Variants in CACNA1A observed in about 807,000 individuals in gnomAD.
CACNA1A encodes calcium voltage-gated channel subunit alpha1 A.
CACNA1A carries 57 observed loss-of-function variants against 262.4 expected under a neutral mutation model. The observed-to-expected ratio is 0.22, with a 90% CI of 0.18 to 0.27. CACNA1A has a LOEUF of 0.27. Ranked by LOEUF, CACNA1A falls within the 10% of genes least tolerant of loss-of-function variation. CACNA1A has a pLI of 1.00. For synonymous variants in CACNA1A, 1,431 were observed against 1,419.3 expected (o/e 1.01, Z -0.18); for missense variants, 2,526 against 3,562.8 (o/e 0.71, Z 7.41).
At chr19:13,411,906 G>C (rs971155472) in intron 3 of CACNA1A, among the ~76,000 whole-genome samples, 97 of 151,984 alleles carry the variant, frequency 6.4e-4, no homozygotes, top group African/African-American at 2.3e-3. Context: ...GTAGAGACAG[G>C]GGTCTCACTA....
In CACNA1A at chr19:13,435,465, G is replaced by T. The variant is rs577790003; in HGVS notation, c.539+17411C>A. ...GGGCTAATACAGGCCCCAATTTTCAGATGGGGAAACTGAGGCTCAGAGAGA... is the reference window on the plus strand; with the variant it reads ...GGGCTAATACAGGCCCCAATTTTCATATGGGGAAACTGAGGCTCAGAGAGA... On this transcript the variant is annotated intron_variant, in intron 3 of 46. Transcript: ENST00000360228. 3.3e-5 allele frequency among the ~76,000 whole-genome samples: 5 copies of T among 152,104 alleles called. No individual in the cohort carries two copies. The South Asian group carries it at 1.0e-3, about 32-fold the overall frequency.
rs2059016551 is a variant in CACNA1A, at chr19:13,356,975, T to C, written c.978+2631A>G. Among the ~76,000 whole-genome samples, 3 of 152,232 alleles carry C rather than the reference T, an allele frequency of 2.0e-5. No homozygotes were observed. In the South Asian group the frequency reaches 6.2e-4, roughly 31 times the overall value. ...CATGCAAATTAGAACACCATGTCCC[T>C]TCCCCACATCCTTTTTTCTGTCAAT... On this transcript the variant is annotated intron_variant, in intron 6 of 46. Coordinates refer to ENST00000360228, the MANE Select transcript of CACNA1A (RefSeq NM_001127222.2).
intron 6 of CACNA1A, among the ~76,000 whole-genome samples, chr19:13,349,597 G>A (rs2058868540): frequency 6.6e-6 from 1 of 152,160 alleles, no homozygotes; most frequent in Non-Finnish European, 1.5e-5. Flanking sequence ...GTACTCATGG[G>A]GTTCCCCATT....
At position 13,286,789 on chromosome 19, in the gene CACNA1A, G is replaced by A. The variant is rs772049163; in HGVS notation, c.3267C>T (p.Gly1089=). The A allele has an allele frequency of 2.5e-6, 4 of 1,612,666 alleles. No individual in the cohort carries two copies. In the South Asian group the frequency reaches 3.3e-5, roughly 13 times the overall value. The stretch of plus-strand genomic sequence containing the variant: ...CCATCTTGGCTGGGCTCTGGGGCAG[G>A]CCGGCGTGGCCAAGGCTGCCGTGGG... ...AAPHGSLGHA[G]LPQSPAKMGN... The change falls in exon 20 of 47, where the codon GGC becomes GGT. Residue 1089 remains glycine (G), a synonymous_variant. Coordinates refer to ENST00000360228, the MANE Select transcript of CACNA1A (RefSeq NM_001127222.2).
chr19:13,268,974 C>T (rs968231023), intron 24 of CACNA1A, among the ~76,000 whole-genome samples: 2 of 145,024 alleles, frequency 1.4e-5, no homozygotes, highest in Non-Finnish European at 1.5e-5. Context: ...GCTGGGATTA[C>T]AGGCGTAAGC....
intron 12 of CACNA1A, 90 bp downstream of exon 12, chr19:13,312,579 G>A (rs911567050): frequency 1.4e-6 from 1 of 737,066 alleles, no homozygotes. Context: ...ATTCAGGGGT[G>A]ACTTTACCTT....
chr19:13,419,205 G>GT (rs1568627247), intron 3 of CACNA1A, among the ~76,000 whole-genome samples: 1 of 152,202 alleles, frequency 6.6e-6, no homozygotes, highest in Admixed American at 6.5e-5. Flanking sequence ...TTACCATTGT[G>GT]TTACAACTGC....
In CACNA1A at chr19:13,321,112, C is replaced by T. The variant is rs544030188; in HGVS notation, c.1346-3791G>A. 6.0e-5 allele frequency among the ~76,000 whole-genome samples: 9 copies of T among 150,532 alleles called. No individual in the cohort carries two copies. In the East Asian group the frequency reaches 1.8e-3, roughly 30 times the overall value. On this transcript the variant is annotated intron_variant, in intron 10 of 46. Coordinates refer to ENST00000360228, the MANE Select transcript of CACNA1A (RefSeq NM_001127222.2). ...GCAGTGGCACGATCTTGGCTCATTGCAACCTCTGCCTCCCAAGTTCAAGTG... is the reference window on the plus strand; with the variant it reads ...GCAGTGGCACGATCTTGGCTCATTGTAACCTCTGCCTCCCAAGTTCAAGTG...
At chr19:13,268,635 C>A (rs1481819813) in intron 24 of CACNA1A, among the ~76,000 whole-genome samples, 1 of 151,924 alleles carries the variant, frequency 6.6e-6, no homozygotes. Context: ...GGGGTTTCAC[C>A]GTGTTAGCCA....
At chr19:13,259,343 G>GGTTTTTTT (rs2056665021) in intron 27 of CACNA1A, 2 of 79,838 alleles carry the variant, frequency 2.5e-5, no homozygotes, top group South Asian at 4.3e-4. Context: ...TTTTTTTTTT[G>GGTTTTTTT]GGATTTTTAG....
At chr19:13,448,598 G>C (rs556301168) in intron 3 of CACNA1A, among the ~76,000 whole-genome samples, 8 of 152,282 alleles carry the variant, frequency 5.3e-5, no homozygotes, top group Admixed American at 3.9e-4. Flanking sequence ...AGCCCCCAGG[G>C]AGCATGAATT....
rs1053105913 is a variant in CACNA1A, at chr19:13,206,670, TTTATTGTTA to T, written c.*634_*642del. 5.7e-5 allele frequency: 6 copies of T among 105,996 alleles called. No individual in the cohort carries two copies. Among genetic ancestry groups the T allele is most frequent in the African/African-American group, 1.1e-4 (2 of 18,020 alleles). 6.6% of individuals were successfully genotyped at this position (105,996 alleles called of 1,614,324 possible). A position where few individuals can be genotyped will look rare whatever the true frequency, so the allele number is the denominator to read the frequency against. ...AATTTTTTTGTCCTTTTTAAAATTG[TTTATTGTTA>T]TTATTATTTTTTTAAATTGATTTCT... On this transcript the variant is annotated 3_prime_UTR_variant, in exon 47 of 47. Coordinates refer to ENST00000360228, the MANE Select transcript of CACNA1A (RefSeq NM_001127222.2).
chr19:13,445,343 C>T (rs1174343667), intron 3 of CACNA1A, among the ~76,000 whole-genome samples: 1 of 152,124 alleles, frequency 6.6e-6, no homozygotes, highest in Non-Finnish European at 1.5e-5. Flanking sequence ...AGACCCAGAG[C>T]TTCTCTGTCT....
intron 10 of CACNA1A, among the ~76,000 whole-genome samples, chr19:13,328,919 T>C (rs1339943280): frequency 1.5e-5 from 2 of 132,230 alleles, no homozygotes; most frequent in Non-Finnish European, 3.2e-5. Flanking sequence ...CCTCCTTCTC[T>C]TCCTCCCTTC....
rs766490864 is a variant in CACNA1A at position 13,235,282 on chromosome 19, GA to G, written c.5068-9del. 6 of 1,582,504 alleles carry G rather than the reference GA, an allele frequency of 3.8e-6. No individual in the cohort carries two copies. Among genetic ancestry groups the G allele is most frequent in the Admixed American group, 1.8e-5 (1 of 54,120 alleles). On this transcript the variant is annotated splice_polypyrimidine_tract_variant and intron_variant, in intron 32 of 46. Transcript: ENST00000360228. ...ACAGACATAAGGCAGGGCCTGGTGGGAAAAAAGGCAATGAAGAAGAGTGCTG... is the reference window on the plus strand; with the variant it reads ...ACAGACATAAGGCAGGGCCTGGTGGGAAAAAGGCAATGAAGAAGAGTGCTG...
intron 15 of CACNA1A, among the ~76,000 whole-genome samples, 158 bp from the exon 16 acceptor site, chr19:13,304,042 C>T (rs1600284213): frequency 6.6e-6 from 1 of 152,200 alleles, no homozygotes; most frequent in East Asian, 1.9e-4. Flanking sequence ...GTGTTGGCTT[C>T]TCCTTGGCTT....
Position 13,207,419 on chromosome 19 carries a change from AG to A in CACNA1A, c.7414del (p.Leu2472SerfsTer136). 1 of 1,527,278 alleles carries A rather than the reference AG, an allele frequency of 6.5e-7. No homozygotes were observed. The highest frequency in any genetic ancestry group is 8.8e-7 in the Non-Finnish European group (1 of 1,142,244). The allele number at this position is 1,527,278 out of a possible 1,614,324, so 94.6% of individuals were successfully genotyped here. On this transcript the variant is annotated frameshift_variant, in exon 47 of 47. Transcript: ENST00000360228. LOFTEE classifies it high-confidence loss of function. The surrounding 1 kb of genome is among the most constrained non-coding windows in gnomAD (Gnocchi z 5.7). The part of the protein sequence containing the change: ...CASPSRHGRR[L>X]PNGYYPAHGL... The stretch of plus-strand genomic sequence containing the variant: ...GTGCGCCGGGTAGTAGCCGTTGGGG[AG>A]TCGCCGGCCGTGCCGAGAAGGCGAG...
Position 13,371,694 on chromosome 19 carries a change from T to A in CACNA1A, c.625A>T (p.Ile209Phe). The A allele has an allele frequency of 6.4e-7, 1 of 1,573,022 alleles. No individual in the cohort carries two copies. The highest frequency in any genetic ancestry group is 8.6e-7 in the Non-Finnish European group (1 of 1,159,292). ...GGGTCGGAAACTCACGCACTTGGGA[T>A]TCCAGACACCAGCTTGAGCGGCCGC... is the stretch of plus-strand genomic sequence containing the variant. ...VLRPLKLVSG[I>F]PSLQVVLKSI... Residue 209 changes from isoleucine (I) to phenylalanine (F), a missense_variant, in exon 4 of 47, where the codon ATC becomes TTC. Ile to Phe is a conservative substitution (Grantham distance 21). This residue lies in a region of CACNA1A where 77 missense variants were observed against 228.4 expected (regional missense o/e 0.34). Coordinates refer to ENST00000360228, the MANE Select transcript of CACNA1A (RefSeq NM_001127222.2).
At chr19:13,215,495 T>C (rs1407779370) in intron 38 of CACNA1A, among the ~76,000 whole-genome samples, 1 of 151,314 alleles carries the variant, frequency 6.6e-6, no homozygotes, top group Non-Finnish European at 1.5e-5. Flanking sequence ...AATTTTGTAT[T>C]TTTAGTAGAG....
Sources: allele counts gnomAD v4.1 joint callset (sites outside exome capture counted in the v4.1 genomes callset), GRCh38; gene constraint gnomAD v4.1.1; regional missense constraint gnomAD v4.1.1; non-coding constraint Gnocchi (gnomAD v3.1); transcripts MANE v1.5; gene names NCBI Gene and HGNC (gene_info 2026-07-23, HGNC 2026-07-21).